Variants in SCLT1 observed in about 807,000 individuals in gnomAD.
SCLT1 encodes sodium channel-associated protein 1.
Under a neutral mutation model 112.8 loss-of-function variants are expected in SCLT1, and 78 were observed. That is an observed-to-expected ratio of 0.69 (90% CI 0.58 to 0.83). The LOEUF (loss-of-function observed/expected upper bound fraction) is 0.83, where lower values mean the gene tolerates loss of function less well. Ranked by LOEUF, SCLT1 falls within the 40% of genes least tolerant of loss-of-function variation. The pLI is 0.00. For synonymous variants in SCLT1, 257 were observed against 254.7 expected, an observed-to-expected ratio of 1.01 and a Z score of -0.09; for missense variants, 747 against 770.4, an observed-to-expected ratio of 0.97 and a Z score of 0.36.
At chr4:129,047,102 A>C (rs1357868268) in intron 2 of SCLT1, among the ~76,000 whole-genome samples, 2 of 152,096 alleles carry the variant, frequency 1.3e-5, no homozygotes, top group Non-Finnish European at 2.9e-5. Context: ...GATGTCTTAA[A>C]AACATAAGTT....
intron 12 of SCLT1, 137 bp from the exon 13 acceptor site, chr4:128,957,261 C>T (rs1426334697): frequency 1.2e-5 from 6 of 518,372 alleles, no homozygotes; most frequent in Admixed American, 7.7e-5. Context: ...GTTGAAATCA[C>T]GAATGATATT....
At chr4:129,074,673 A>G (rs1751309180) in intron 2 of SCLT1, among the ~76,000 whole-genome samples, 1 of 152,208 alleles carries the variant, frequency 6.6e-6, no homozygotes. Flanking sequence ...TGAATCTTAA[A>G]TAACTGATAT....
Position 128,975,040 on chromosome 4 carries a change from C to CTTTTTTTTTTTT in SCLT1, c.687-4584_687-4573dup, listed in dbSNP as rs34603915. Among the ~76,000 whole-genome samples the CTTTTTTTTTTTT allele has an allele frequency of 6.8e-3, 591 of 86,978 alleles. 167 individuals carry two copies. Among genetic ancestry groups the CTTTTTTTTTTTT allele is most frequent in the African/African-American group, 0.027 (493 of 18,478 alleles). 57.1% of individuals were successfully genotyped at this position (86,978 alleles called of 152,430 possible). On this transcript the variant is annotated intron_variant, in intron 9 of 20. Transcript: ENST00000281142. ...GATATTAAACAGATTTGAATGACAACTTTTTTTTTTTTTTTTGAGATGGAG... is the reference window on the plus strand; with the variant it reads ...GATATTAAACAGATTTGAATGACAACTTTTTTTTTTTTTTTTTTTTTTTTTTTTGAGATGGAG...
intron 5 of SCLT1, among the ~76,000 whole-genome samples, chr4:129,033,502 T>TAAAA (rs56325033): frequency 0.024 from 1,075 of 44,330 alleles, 22 homozygotes; most frequent in South Asian, 0.061. Flanking sequence ...GAACTTAAAG[T>TAAAA]AAAAAAAAAA....
At chr4:129,071,876 T>C (rs1751041712) in intron 2 of SCLT1, among the ~76,000 whole-genome samples, 1 of 152,174 alleles carries the variant, frequency 6.6e-6, no homozygotes, top group South Asian at 2.1e-4. Context: ...TTTTTGTTTT[T>C]GCTTTTTTAG....
intron 2 of SCLT1, among the ~76,000 whole-genome samples, chr4:129,052,142 A>C (rs1748859047): frequency 6.6e-6 from 1 of 152,120 alleles, no homozygotes; most frequent in African/African-American, 2.4e-5. Flanking sequence ...TTTATTGAGG[A>C]ATTTCACATT....
intron 10 of SCLT1, among the ~76,000 whole-genome samples, chr4:128,970,044 AATAAC>A (rs1740554383): frequency 1.3e-5 from 2 of 152,220 alleles, no homozygotes; most frequent in South Asian, 4.1e-4. Flanking sequence ...TACTTTAGTA[AATAAC>A]ATAAAAGTAG....
intron 13 of SCLT1, among the ~76,000 whole-genome samples, chr4:128,954,818 A>G (rs572542714): frequency 1.3e-5 from 2 of 152,288 alleles, no homozygotes; most frequent in Admixed American, 1.3e-4. Flanking sequence ...TATTTCCATT[A>G]TAGATGAGGA....
intron 8 of SCLT1, among the ~76,000 whole-genome samples, chr4:128,994,108 T>C (rs1292062940): frequency 1.3e-5 from 2 of 152,094 alleles, no homozygotes; most frequent in Admixed American, 1.3e-4. Context: ...AGGTACAATA[T>C]TGCACAGATC....
chr4:128,916,700 A>T (rs1270260074), intron 18 of SCLT1, among the ~76,000 whole-genome samples: 1 of 152,222 alleles, frequency 6.6e-6, no homozygotes, highest in Non-Finnish European at 1.5e-5. Flanking sequence ...GTTTCAACAC[A>T]GTGTAAAAAC....
chr4:129,028,142 C>T (rs1746307550), intron 5 of SCLT1, among the ~76,000 whole-genome samples: 1 of 152,184 alleles, frequency 6.6e-6, no homozygotes, highest in Non-Finnish European at 1.5e-5. Flanking sequence ...CATCAAGCTA[C>T]CAATGACTTT....
rs145427207 is a variant in SCLT1 at position 129,072,853 on chromosome 4, A to C, written c.102+9453T>G. Among the ~76,000 whole-genome samples, 248 of 151,908 alleles carry C rather than the reference A, an allele frequency of 1.6e-3. 2 individuals are homozygous for C. The highest frequency in any genetic ancestry group is 0.014 in the East Asian group (70 of 5,134). ...GAGCCATTCCTGGTGAACTAGTGTG[A>C]TTCTTGGGGGGTGCTGAAGAGCCTT... On this transcript the variant is annotated intron_variant, in intron 2 of 20. Transcript: ENST00000281142.
chr4:128,936,413 AAACT>A (rs1737187022), intron 18 of SCLT1, among the ~76,000 whole-genome samples: 2 of 152,308 alleles, frequency 1.3e-5, no homozygotes, highest in Middle Eastern at 3.4e-3. Context: ...GCAACTATCT[AAACT>A]AATATATCCA....
intron 2 of SCLT1, among the ~76,000 whole-genome samples, chr4:129,065,880 G>C (rs72926033): frequency 0.013 from 1,939 of 152,072 alleles, 44 homozygotes; most frequent in African/African-American, 0.044. Context: ...TATTCTGGGA[G>C]GGAAACACAA....
intron 2 of SCLT1, among the ~76,000 whole-genome samples, chr4:129,076,211 T>C (rs900650706): frequency 6.6e-6 from 1 of 152,176 alleles, no homozygotes; most frequent in African/African-American, 2.4e-5. Flanking sequence ...TCTATGTTAT[T>C]CATAGTCCTG....
chr4:128,941,291 C>A (rs958548387), intron 17 of SCLT1, among the ~76,000 whole-genome samples: 1 of 152,016 alleles, frequency 6.6e-6, no homozygotes, highest in Non-Finnish European at 1.5e-5. Context: ...TATCAAAGTT[C>A]TAATTGCTTT....
intron 2 of SCLT1, among the ~76,000 whole-genome samples, chr4:129,062,271 T>C (rs756040565): frequency 1.3e-5 from 2 of 152,152 alleles, no homozygotes; most frequent in Non-Finnish European, 2.9e-5. Flanking sequence ...ACTCCTCTGA[T>C]GCACTCTGGC....
At chr4:129,085,808 A>AATGATG (rs1752342924) in intron 1 of SCLT1, among the ~76,000 whole-genome samples, 2 of 152,152 alleles carry the variant, frequency 1.3e-5, no homozygotes, top group African/African-American at 4.8e-5. Context: ...GTGGGAGGTA[A>AATGATG]ATGATGAGAA....
chr4:129,077,487 C>A (rs1026180803), intron 2 of SCLT1, among the ~76,000 whole-genome samples: 6 of 152,196 alleles, frequency 3.9e-5, no homozygotes, highest in Non-Finnish European at 7.4e-5. Context: ...CTATATTTGA[C>A]ACATAAGAGT....
Sources: allele counts gnomAD v4.1 joint callset (sites outside exome capture counted in the v4.1 genomes callset), GRCh38; gene constraint gnomAD v4.1.1; transcripts MANE v1.5; gene names NCBI Gene and HGNC (gene_info 2026-07-23, HGNC 2026-07-21).